Variants in NELL1 observed in about 807,000 individuals in gnomAD.
NELL1 encodes protein kinase C-binding protein NELL1.
In NELL1, 76 loss-of-function variants were observed where a neutral mutation model predicts 107.4. That is an observed-to-expected ratio of 0.71 (90% confidence interval 0.59 to 0.86). The LOEUF (loss-of-function observed/expected upper bound fraction) is 0.86, where lower values mean the gene tolerates loss of function less well. Among genes scored for constraint, NELL1 ranks in the 40% least tolerant of loss-of-function variants. The pLI is 0.00. For missense variants in NELL1, 1,024 were observed against 1,005.5 expected, an observed-to-expected ratio of 1.02 and a Z score of -0.25; for synonymous variants, 353 against 341.2, an observed-to-expected ratio of 1.03 and a Z score of -0.38.
chr11:21,093,365 A>T (rs1854564984), intron 12 of NELL1, among the ~76,000 whole-genome samples: 1 of 152,018 alleles, frequency 6.6e-6, no homozygotes, highest in Non-Finnish European at 1.5e-5. Context: ...TTTTTTTGTT[A>T]TCATGATGCA....
intron 14 of NELL1, among the ~76,000 whole-genome samples, chr11:21,369,620 T>C (rs1474305596): frequency 6.6e-6 from 1 of 152,076 alleles, no homozygotes; most frequent in Non-Finnish European, 1.5e-5. Flanking sequence ...GTTACACTCA[T>C]ATTAATTTTG....
At chr11:21,056,666 G>A (rs1045567882) in intron 12 of NELL1, among the ~76,000 whole-genome samples, 3 of 152,076 alleles carry the variant, frequency 2.0e-5, no homozygotes, top group Non-Finnish European at 1.5e-5. Context: ...ACTTTAGCAA[G>A]CTCTTTTCTC....
At chr11:20,773,976 CTCTT>C (rs1432370313) in intron 2 of NELL1, among the ~76,000 whole-genome samples, 4 of 151,868 alleles carry the variant, frequency 2.6e-5, no homozygotes, top group African/African-American at 9.7e-5. Context: ...TTTCCCCTCT[CTCTT>C]TCTTCTCTTC....
In NELL1 at chr11:20,919,244, T is replaced by G. The variant is rs1454262465; in HGVS notation, c.677-8T>G. On this transcript the variant is annotated splice_polypyrimidine_tract_variant and splice_region_variant and intron_variant, in intron 6 of 19. Transcript: ENST00000357134. Reference sequence around the variant, plus strand: ...TAAATATATATGTTTTATATTTTCTTTATTGAGCTTGCCCAACCTGCAGTG... The same window carrying G: ...TAAATATATATGTTTTATATTTTCTGTATTGAGCTTGCCCAACCTGCAGTG... 1 of 1,546,642 alleles carries G rather than the reference T, an allele frequency of 6.5e-7. No homozygotes were observed. The highest frequency in any genetic ancestry group is 1.4e-5 in the African/African-American group (1 of 73,000).
intron 16 of NELL1, among the ~76,000 whole-genome samples, chr11:21,552,221 T>G (rs898079570): frequency 1.3e-5 from 2 of 151,140 alleles, no homozygotes; most frequent in African/African-American, 2.4e-5. Flanking sequence ...ACACCAGCAT[T>G]GCACATGTAT....
intron 14 of NELL1, among the ~76,000 whole-genome samples, chr11:21,308,116 C>T (rs956006618): frequency 1.3e-5 from 2 of 152,076 alleles, no homozygotes; most frequent in Admixed American, 1.3e-4. Flanking sequence ...AATTACTCAA[C>T]TGCTCTGACT....
intron 4 of NELL1, among the ~76,000 whole-genome samples, chr11:20,863,388 C>T (rs183651137): frequency 1.3e-4 from 8 of 62,224 alleles, no homozygotes; most frequent in Non-Finnish European, 1.4e-4. Flanking sequence ...CCCTCCTGGA[C>T]GGGGTGGCTG....
chr11:21,392,233 C>T (rs59514967), intron 15 of NELL1, among the ~76,000 whole-genome samples: 3,077 of 151,868 alleles, frequency 0.02, 50 homozygotes, highest in East Asian at 0.066. Flanking sequence ...GGTAAGGAAA[C>T]AGCTCTGAGG....
chr11:21,049,231 A>G (rs1853432165), intron 12 of NELL1, among the ~76,000 whole-genome samples: 1 of 152,180 alleles, frequency 6.6e-6, no homozygotes, highest in Non-Finnish European at 1.5e-5. Context: ...AATTCCCAGA[A>G]AGAGACTCAG....
chr11:21,303,230 T>A (rs1329198834), intron 14 of NELL1, among the ~76,000 whole-genome samples: 1 of 151,944 alleles, frequency 6.6e-6, no homozygotes, highest in Non-Finnish European at 1.5e-5. Context: ...TAGGAGAAAA[T>A]ATGCTACCAG....
intron 15 of NELL1, among the ~76,000 whole-genome samples, chr11:21,522,834 CTTTT>C (rs66707466): frequency 1.5e-5 from 1 of 68,438 alleles, no homozygotes; most frequent in Non-Finnish European, 2.5e-5. Flanking sequence ...TTTTTCTTTT[CTTTT>C]TTTTTTTTTT....
chr11:21,166,384 T>C (rs1180317132), intron 13 of NELL1, among the ~76,000 whole-genome samples: 3 of 151,888 alleles, frequency 2.0e-5, no homozygotes, highest in Non-Finnish European at 4.4e-5. Context: ...AAAATCACTT[T>C]TAAAAATTAA....
intron 12 of NELL1, among the ~76,000 whole-genome samples, chr11:21,061,006 A>C: frequency 6.6e-6 from 1 of 152,200 alleles, no homozygotes; most frequent in South Asian, 2.1e-4. Context: ...AAGTGCTGGG[A>C]TTACAGGCGT....
chr11:21,252,696 C>T (rs1175061580), intron 14 of NELL1, among the ~76,000 whole-genome samples: 2 of 152,050 alleles, frequency 1.3e-5, no homozygotes, highest in African/African-American at 2.4e-5. Flanking sequence ...TCTGATCAAA[C>T]GTGGAGTTTG....
intron 2 of NELL1, among the ~76,000 whole-genome samples, chr11:20,721,724 G>T (rs965298774): frequency 1.3e-5 from 2 of 152,096 alleles, no homozygotes; most frequent in Non-Finnish European, 2.9e-5. Flanking sequence ...AGAAAAGTTC[G>T]GGGAGATAGT....
intron 10 of NELL1, among the ~76,000 whole-genome samples, chr11:20,946,150 A>G (rs1850957769): frequency 6.6e-6 from 1 of 152,202 alleles, no homozygotes; most frequent in African/African-American, 2.4e-5. Context: ...GCCAAACCAG[A>G]GAAATGTGGA....
intron 13 of NELL1, among the ~76,000 whole-genome samples, chr11:21,144,837 A>G (rs894516267): frequency 6.6e-6 from 1 of 152,160 alleles, no homozygotes; most frequent in African/African-American, 2.4e-5. Flanking sequence ...AAACCCAGAG[A>G]TGAGGTAGGG....
At chr11:20,758,785 G>A (rs973230901) in intron 2 of NELL1, among the ~76,000 whole-genome samples, 1 of 152,146 alleles carries the variant, frequency 6.6e-6, no homozygotes, top group African/African-American at 2.4e-5. Context: ...TAAGTGGTGG[G>A]AATGATAAAT....
At chr11:21,087,603 G>T (rs919701298) in intron 12 of NELL1, among the ~76,000 whole-genome samples, 2 of 152,134 alleles carry the variant, frequency 1.3e-5, no homozygotes, top group African/African-American at 4.8e-5. Context: ...CTGGGAAGTT[G>T]TTTGGGACAT....
Sources: allele counts gnomAD v4.1 joint callset (sites outside exome capture counted in the v4.1 genomes callset), GRCh38; gene constraint gnomAD v4.1.1; transcripts MANE v1.5; gene names NCBI Gene and HGNC (gene_info 2026-07-23, HGNC 2026-07-21).